IPO11: variants seen among roughly 807,000 people sequenced by gnomAD.
The protein encoded by IPO11 is importin-11.
In IPO11, 66 loss-of-function variants were observed where a neutral mutation model predicts 143.2. That is an observed-to-expected ratio of 0.46 (90% CI 0.38 to 0.57). IPO11 has a LOEUF of 0.57. Ranked by LOEUF, IPO11 falls within the 20% of genes least tolerant of loss-of-function variation. The pLI, the probability that IPO11 is intolerant of heterozygous loss-of-function variation, is 0.00. For missense variants in IPO11, 1,026 were observed against 1,141.0 expected, an observed-to-expected ratio of 0.90 and a Z score of 1.45; for synonymous variants, 385 against 377.8, an observed-to-expected ratio of 1.02 and a Z score of -0.22.
intron 29 of IPO11, among the ~76,000 whole-genome samples, chr5:62,604,445 AG>A (rs1427483640): frequency 6.6e-6 from 1 of 152,200 alleles, no homozygotes; most frequent in African/African-American, 2.4e-5. Flanking sequence ...TCCTGACCTC[AG>A]GTGATCTGCC....
chr5:62,455,356 C>T (rs1287687836), intron 5 of IPO11, among the ~76,000 whole-genome samples: 1 of 152,042 alleles, frequency 6.6e-6, no homozygotes, highest in Admixed American at 6.6e-5. Flanking sequence ...CCTGTCTGTA[C>T]TAAAAATACA....
rs141249018 is a variant in IPO11, at chr5:62,537,212, T to C, written c.2173T>C (p.Tyr725His). 8 of 1,582,036 alleles carry C rather than the reference T, an allele frequency of 5.1e-6. No individual in the cohort carries two copies. In the African/African-American group the frequency reaches 5.4e-5, roughly 11 times the overall value. ...TTGACTTTTAATTGAATTTCAGACA[T>C]ACGCAGTAGGTCTATGCCAGTCCTT... ...FLSSTEFLQT[Y>H]AVGLCQSFCE... The change falls in exon 24 of 30, where the codon TAC (tyrosine) becomes CAC (histidine). Residue 725 changes from tyrosine (Y) to histidine (H), a missense_variant. Physicochemically the swap from Tyr to His is moderately conservative, Grantham distance 83. Transcript: ENST00000325324.
intron 13 of IPO11, among the ~76,000 whole-genome samples, chr5:62,488,863 C>T (rs550556886): frequency 6.6e-6 from 1 of 151,936 alleles, no homozygotes; most frequent in South Asian, 2.1e-4. Flanking sequence ...ATTAGCTGGG[C>T]CTGGTGGTTA....
chr5:62,571,778 C>T (rs1248805899), intron 27 of IPO11, among the ~76,000 whole-genome samples: 1 of 151,878 alleles, frequency 6.6e-6, no homozygotes, highest in African/African-American at 2.4e-5. Context: ...CTCCGCCTCC[C>T]GGGTTCAAGT....
intron 20 of IPO11, among the ~76,000 whole-genome samples, chr5:62,517,454 G>A (rs915244610): frequency 4.6e-5 from 7 of 152,258 alleles, no homozygotes; most frequent in South Asian, 4.2e-4. Context: ...CCAGGCTGGC[G>A]TGCAATGGTG....
chr5:62,530,978 A>G (rs926976558), intron 22 of IPO11, among the ~76,000 whole-genome samples, 193 bp downstream of exon 22: 1 of 152,210 alleles, frequency 6.6e-6, no homozygotes, highest in Non-Finnish European at 1.5e-5. Flanking sequence ...TGATTCTGTC[A>G]TCCAGTTAGT....
intron 27 of IPO11, chr5:62,579,052 GT>G (rs1193558515): frequency 4.2e-6 from 1 of 239,146 alleles, no homozygotes; most frequent in Non-Finnish European, 8.3e-6. Context: ...AAATTATAAT[GT>G]TATTTGATAT....
chr5:62,583,363 A>ATG (rs1216907177), intron 27 of IPO11, among the ~76,000 whole-genome samples: 1 of 152,218 alleles, frequency 6.6e-6, no homozygotes, highest in Non-Finnish European at 1.5e-5. Context: ...ACAGCTGGCT[A>ATG]TGTGAAGTTC....
intron 29 of IPO11, among the ~76,000 whole-genome samples, chr5:62,612,268 G>A (rs1745950061): frequency 6.6e-6 from 1 of 152,180 alleles, no homozygotes; most frequent in Non-Finnish European, 1.5e-5. Flanking sequence ...GATTTATTCA[G>A]AGAGTAAGAC....
chr5:62,449,720 T>A, intron 3 of IPO11: 1 of 391,286 alleles, frequency 2.6e-6, no homozygotes, highest in Non-Finnish European at 4.6e-6. Context: ...CCAGAACCAA[T>A]TAGGGACAGT....
intron 29 of IPO11, among the ~76,000 whole-genome samples, chr5:62,626,360 C>G (rs1746577366): frequency 1.3e-5 from 2 of 152,054 alleles, no homozygotes. Context: ...GTACATTTAT[C>G]AAAATTAAGA....
intron 19 of IPO11, among the ~76,000 whole-genome samples, chr5:62,510,336 T>C (rs921486033): frequency 2.0e-5 from 3 of 152,234 alleles, no homozygotes; most frequent in African/African-American, 4.8e-5. Flanking sequence ...TCAACACTTA[T>C]ATATCCTTCA....
rs771746187 is a variant in IPO11 at position 62,467,243 on chromosome 5, G to A, written c.629G>A (p.Arg210Gln). The change falls in exon 6 of 30, where the codon CGA becomes CAA. Residue 210 changes from arginine (R) to glutamine (Q), a missense_variant. Arg to Gln is a conservative substitution (Grantham distance 43). This residue lies in a region of IPO11 where 429 missense variants were observed against 456.3 expected (regional missense o/e 0.94). Coordinates refer to ENST00000325324, the MANE Select transcript of IPO11 (RefSeq NM_016338.5). ...NEAAILSSLE[R>Q]TLLSLKVLRK... The stretch of plus-strand genomic sequence containing the variant: ...GCTGCAATTTTGAGTTCACTAGAAC[G>A]AACACTGCTATCATTGAAAGGTACT... 1.9e-6 allele frequency: 3 copies of A among 1,613,496 alleles called. No homozygotes were observed. Among genetic ancestry groups the A allele is most frequent in the Admixed American group, 1.7e-5 (1 of 59,852 alleles).
chr5:62,522,047 A>G (rs569913145), intron 20 of IPO11, among the ~76,000 whole-genome samples: 26 of 151,966 alleles, frequency 1.7e-4, no homozygotes, highest in Non-Finnish European at 3.5e-4. Context: ...TCTGTTTTTC[A>G]TAGCAAACAT....
At chr5:62,572,541 GTTTGTTTATTTA>G (rs1417747660) in intron 27 of IPO11, among the ~76,000 whole-genome samples, 1,780 of 141,736 alleles carry the variant, frequency 0.013, 19 homozygotes, top group African/African-American at 0.028. Flanking sequence ...ATGTATATTT[GTTTGTTTATTTA>G]TTTATTTATT....
chr5:62,449,564 T>C (rs1744838372), intron 3 of IPO11, among the ~76,000 whole-genome samples: 1 of 151,984 alleles, frequency 6.6e-6, no homozygotes, highest in African/African-American at 2.4e-5. Flanking sequence ...AAAGTGAACA[T>C]CAAATATATT....
At chr5:62,469,996 C>T (rs1745712267) in intron 6 of IPO11, among the ~76,000 whole-genome samples, 1 of 152,076 alleles carries the variant, frequency 6.6e-6, no homozygotes, top group Admixed American at 6.5e-5. Flanking sequence ...ATAAATTACA[C>T]TAAATTTTGG....
At chr5:62,553,337 TG>T (rs1743456901) in intron 26 of IPO11, among the ~76,000 whole-genome samples, 1 of 109,998 alleles carries the variant, frequency 9.1e-6, no homozygotes, top group African/African-American at 3.7e-5. Context: ...TGTGTGTGTG[TG>T]TGTGTGTGTG....
intron 5 of IPO11, among the ~76,000 whole-genome samples, chr5:62,464,332 T>C (rs1402680535): frequency 6.6e-6 from 1 of 151,574 alleles, no homozygotes; most frequent in Non-Finnish European, 1.5e-5. Flanking sequence ...GTAGAGACAG[T>C]GTTTCACGAT....
Sources: allele counts gnomAD v4.1 joint callset (sites outside exome capture counted in the v4.1 genomes callset), GRCh38; gene constraint gnomAD v4.1.1; regional missense constraint gnomAD v4.1.1; transcripts MANE v1.5; gene names NCBI Gene and HGNC (gene_info 2026-07-23, HGNC 2026-07-21).